The following GUCY1A2 variants were observed in gnomAD, a reference collection of about 807,000 sequenced individuals.
The protein encoded by GUCY1A2 is guanylate cyclase 1 soluble subunit alpha 2, also known as guanylate cyclase soluble subunit alpha-2.
Under a neutral mutation model 63.5 loss-of-function variants are expected in GUCY1A2, and 27 were observed. The observed-to-expected ratio is 0.43, with a 90% CI of 0.31 to 0.59. The LOEUF is 0.59. Ranked by LOEUF, GUCY1A2 falls within the 20% of genes least tolerant of loss-of-function variation. GUCY1A2 has a pLI of 0.11. For synonymous variants in GUCY1A2, 364 were observed against 343.5 expected (o/e 1.06, Z -0.66); for missense variants, 768 against 913.3 (o/e 0.84, Z 2.05).
intron 5 of GUCY1A2, among the ~76,000 whole-genome samples, chr11:106,782,746 G>A (rs1277561073): frequency 6.8e-6 from 1 of 146,356 alleles, no homozygotes; most frequent in East Asian, 1.9e-4. Flanking sequence ...TATCCAAAAG[G>A]TTGGCCAGGA....
rs767942434 is a variant in GUCY1A2, at chr11:107,017,734, C to G, written c.303+19G>C. On this transcript the variant is annotated intron_variant, in intron 1 of 7. Coordinates refer to ENST00000526355, the MANE Select transcript of GUCY1A2 (RefSeq NM_000855.3). ...GTTCTCTCCCCCGAAGGCGGTCCCC[C>G]CTTCCGCCCCCCGCTCACCGAGGGC... 2.7e-4 allele frequency: 363 copies of G among 1,358,390 alleles called. 1 individual carries two copies. Among genetic ancestry groups the G allele is most frequent in the Non-Finnish European group, 1.2e-4 (125 of 1,048,486 alleles). The allele number at this position is 1,358,390 out of a possible 1,614,324, so 84.1% of individuals were successfully genotyped here. A position where few individuals can be genotyped will look rare whatever the true frequency, so the allele number is the denominator to read the frequency against.
chr11:106,993,795 C>G (rs748678094), intron 1 of GUCY1A2, among the ~76,000 whole-genome samples: 3 of 152,076 alleles, frequency 2.0e-5, no homozygotes, highest in Non-Finnish European at 4.4e-5. Flanking sequence ...AACATACTGG[C>G]GGTTAAACAA....
At chr11:106,737,207 C>A (rs1863605527) in intron 6 of GUCY1A2, among the ~76,000 whole-genome samples, 1 of 152,128 alleles carries the variant, frequency 6.6e-6, no homozygotes, top group South Asian at 2.1e-4. Flanking sequence ...ACAGATGGTA[C>A]ACTCAAAGTG....
intron 4 of GUCY1A2, among the ~76,000 whole-genome samples, chr11:106,888,988 T>G (rs946469939): frequency 2.0e-5 from 3 of 152,076 alleles, no homozygotes; most frequent in African/African-American, 7.2e-5. Flanking sequence ...GTTAATCCGG[T>G]ATTCTCTATT....
Position 106,978,777 on chromosome 11 carries a change from T to G in GUCY1A2, c.366-37A>C, listed in dbSNP as rs760775521. On this transcript the variant is annotated intron_variant, in intron 2 of 7. Transcript: ENST00000526355. ...ACAAAATTAGCATAAGGAGAAATTT[T>G]TGAAAGCATCTGCGAATGCAACTCA... 5.8e-6 allele frequency: 9 copies of G among 1,559,140 alleles called. No individual in the cohort carries two copies. The South Asian group carries it at 1.1e-4, about 18-fold the overall frequency.
intron 4 of GUCY1A2, among the ~76,000 whole-genome samples, chr11:106,908,615 G>A (rs1208377112): frequency 6.6e-6 from 1 of 151,760 alleles, no homozygotes; most frequent in African/African-American, 2.4e-5. Context: ...GAAGATGTGA[G>A]GAATATCATT....
At chr11:106,845,464 T>C (rs1859258393) in intron 4 of GUCY1A2, among the ~76,000 whole-genome samples, 1 of 151,506 alleles carries the variant, frequency 6.6e-6, no homozygotes, top group Non-Finnish European at 1.5e-5. Flanking sequence ...GTTACGTGGA[T>C]TGTCTTTGCT....
At chr11:106,931,868 G>T (rs1329620932) in intron 4 of GUCY1A2, among the ~76,000 whole-genome samples, 1 of 152,096 alleles carries the variant, frequency 6.6e-6, no homozygotes, top group Admixed American at 6.6e-5. Flanking sequence ...ACTTTTGGGG[G>T]TGATAAAGTT....
chr11:106,732,686 C>G lies in GUCY1A2; in HGVS notation c.1837-24020G>C, dbSNP rs187070629. 1.1e-3 allele frequency among the ~76,000 whole-genome samples: 167 copies of G among 152,200 alleles called. 1 individual carries two copies. The highest frequency in any genetic ancestry group is 3.9e-3 in the African/African-American group (160 of 41,536). ...ATTTAGTGAAAAACCATTAGGAGAGCAAGAAATTCTTCAAGTTCTTCCTTT... is the reference window on the plus strand; with the variant it reads ...ATTTAGTGAAAAACCATTAGGAGAGGAAGAAATTCTTCAAGTTCTTCCTTT... On this transcript the variant is annotated intron_variant, in intron 6 of 7. Transcript: ENST00000526355.
At chr11:106,846,562 T>C (rs1023628331) in intron 4 of GUCY1A2, among the ~76,000 whole-genome samples, 24 of 151,616 alleles carry the variant, frequency 1.6e-4, no homozygotes, top group Non-Finnish European at 3.2e-4. Context: ...TTTGTACTAT[T>C]GTAGGGAGTC....
chr11:106,904,311 G>GT (rs527920437), intron 4 of GUCY1A2, among the ~76,000 whole-genome samples: 7 of 152,154 alleles, frequency 4.6e-5, no homozygotes, highest in Non-Finnish European at 1.0e-4. Flanking sequence ...ATCATAAGAA[G>GT]TTTTCACTGT....
rs1862543627 is a variant in GUCY1A2 at position 106,687,344 on chromosome 11, A to G, written c.*205T>C. On this transcript the variant is annotated 3_prime_UTR_variant, in exon 8 of 8. Transcript: ENST00000526355. ...ACCAAAACCACTCATATGAATGGAC[A>G]CATCTTATTTCCCTCATCCTCCGGC... 1.7e-6 allele frequency: 1 copy of G among 577,318 alleles called. No individual in the cohort carries two copies. The highest frequency in any genetic ancestry group is 3.1e-6 in the Non-Finnish European group (1 of 322,964). The allele number at this position is 577,318 out of a possible 1,614,324, so 35.8% of individuals were successfully genotyped here.
At chr11:106,824,281 T>C (rs1272089429) in intron 4 of GUCY1A2, 2 of 534,986 alleles carry the variant, frequency 3.7e-6, no homozygotes, top group Non-Finnish European at 5.7e-6. Flanking sequence ...CAGTTGAACA[T>C]GAGAAAAGTC....
chr11:106,863,171 T>C (rs1231557787), intron 4 of GUCY1A2, among the ~76,000 whole-genome samples: 1 of 152,198 alleles, frequency 6.6e-6, no homozygotes, highest in African/African-American at 2.4e-5. Context: ...ATTTTGGCTT[T>C]TGTTGCCATT....
intron 4 of GUCY1A2, chr11:106,826,510 A>G: frequency 3.1e-6 from 5 of 1,604,134 alleles, no homozygotes; most frequent in Non-Finnish European, 3.4e-6. Context: ...AGTTTCACCA[A>G]TTAAGAAAGC....
At chr11:106,716,542 G>A (rs1458883717) in intron 6 of GUCY1A2, among the ~76,000 whole-genome samples, 1 of 151,948 alleles carries the variant, frequency 6.6e-6, no homozygotes, top group Non-Finnish European at 1.5e-5. Flanking sequence ...AGGTTTGGTG[G>A]GACTGACGCC....
intron 6 of GUCY1A2, among the ~76,000 whole-genome samples, chr11:106,749,308 AT>A (rs1451551280): frequency 6.6e-6 from 1 of 152,080 alleles, no homozygotes; most frequent in East Asian, 1.9e-4. Context: ...ACTGTAATGT[AT>A]GTATTGTCCA....
chr11:106,709,343 A>C (rs1256169001), intron 6 of GUCY1A2, among the ~76,000 whole-genome samples: 4 of 89,428 alleles, frequency 4.5e-5, no homozygotes, highest in Non-Finnish European at 7.8e-5. Flanking sequence ...AATATATATA[A>C]ATTTATATAT....
intron 5 of GUCY1A2, among the ~76,000 whole-genome samples, chr11:106,798,377 C>G (rs969953598): frequency 6.6e-6 from 1 of 152,076 alleles, no homozygotes; most frequent in Non-Finnish European, 1.5e-5. Flanking sequence ...CTATTCCAAT[C>G]AAAAGAAAAA....
Sources: allele counts gnomAD v4.1 joint callset (sites outside exome capture counted in the v4.1 genomes callset), GRCh38; gene constraint gnomAD v4.1.1; transcripts MANE v1.5; gene names NCBI Gene and HGNC (gene_info 2026-07-23, HGNC 2026-07-21).